The following DHRS9 variants were observed in gnomAD, a reference collection of about 807,000 sequenced individuals.
DHRS9 encodes dehydrogenase/reductase SDR family member 9.
A neutral mutation model predicts 26.6 loss-of-function variants in DHRS9; 18 were observed. The observed-to-expected ratio is 0.68, with a 90% CI of 0.47 to 1.00. The LOEUF (loss-of-function observed/expected upper bound fraction) is 1.00, where lower values mean the gene tolerates loss of function less well. Ranked by LOEUF, DHRS9 falls within the 50% of genes least tolerant of loss-of-function variation. DHRS9 has a pLI of 0.00. For missense variants in DHRS9, 425 were observed against 378.7 expected (o/e 1.12, Z -1.01); for synonymous variants, 134 against 141.1 (o/e 0.95, Z 0.36).
chr2:169,083,429 GT>G lies in DHRS9; in HGVS notation c.417del (p.Phe139LeufsTer6). 6.2e-7 allele frequency: 1 copy of G among 1,614,102 alleles called. No individual in the cohort carries two copies. The highest frequency in any genetic ancestry group is 1.1e-5 in the South Asian group (1 of 91,082). The part of the protein sequence containing the change: ...DYREPIEVNL[F>X]GLISVTLNML... The stretch of plus-strand genomic sequence containing the variant: ...ACAGAGAACCTATTGAAGTGAACCT[GT>G]TTGGACTCATCAGTGTGACACTAAA... On this transcript the variant is annotated frameshift_variant, in exon 3 of 5. Transcript: ENST00000674881. LOFTEE classifies it high-confidence loss of function.
In DHRS9 at chr2:169,095,632, C is replaced by G. The variant is rs1684671798; in HGVS notation, c.825C>G (p.Leu275=). Residue 275 remains leucine, a synonymous_variant, in exon 5 of 5, where the codon CTC becomes CTG. Coordinates refer to ENST00000674881, the MANE Select transcript of DHRS9 (RefSeq NM_001376924.1). ...VECMDHALTS[L]FPKTHYAAGK... ...GCATGGACCACGCTCTAACAAGTCT[C>G]TTCCCTAAGACTCATTATGCCGCTG... The G allele has an allele frequency of 6.2e-7, 1 of 1,613,996 alleles. No homozygotes were observed. Among genetic ancestry groups the G allele is most frequent in the East Asian group, 2.2e-5 (1 of 44,868 alleles).
Position 169,070,867 on chromosome 2 carries a change from A to G in DHRS9, c.-60+1150A>G, listed in dbSNP as rs560635525. On this transcript the variant is annotated intron_variant, in intron 1 of 4. Coordinates refer to ENST00000674881, the MANE Select transcript of DHRS9 (RefSeq NM_001376924.1). ...ATCACAAGGTCAGGAGATCGAGACC[A>G]TCCTGGCTAACACGGTGAAACCTGG... 3.7e-4 allele frequency: 167 copies of G among 451,538 alleles called. 2 individuals are homozygous for G. The highest frequency in any genetic ancestry group is 3.3e-3 in the African/African-American group (155 of 46,916). The allele number at this position is 451,538 out of a possible 1,614,324, so 28.0% of individuals were successfully genotyped here. A position where few individuals can be genotyped will look rare whatever the true frequency, so the allele number is the denominator to read the frequency against.
rs573727127 is a variant in DHRS9, at chr2:169,069,594, G to T, written c.-183G>T. 5 of 985,386 alleles carry T rather than the reference G, an allele frequency of 5.1e-6. No individual in the cohort carries two copies. Among genetic ancestry groups the T allele is most frequent in the Admixed American group, 6.1e-5 (1 of 16,284 alleles). 61.0% of individuals were successfully genotyped at this position (985,386 alleles called of 1,614,324 possible). A position where few individuals can be genotyped will look rare whatever the true frequency, so the allele number is the denominator to read the frequency against. On this transcript the variant is annotated 5_prime_UTR_variant, in exon 1 of 5. Coordinates refer to ENST00000674881, the MANE Select transcript of DHRS9 (RefSeq NM_001376924.1). ...AGCTCTACGGAAACCCAGGCACCTC[G>T]ACCTCAAGAGGATCAGCCTGGCCAG...
intron 3 of DHRS9, among the ~76,000 whole-genome samples, chr2:169,084,745 G>A (rs1684298715): frequency 2.0e-5 from 3 of 152,074 alleles, no homozygotes; most frequent in Admixed American, 2.0e-4. Flanking sequence ...CTTGTCAGAT[G>A]GGTAGCTTTC....
intron 3 of DHRS9, among the ~76,000 whole-genome samples, chr2:169,088,817 A>G (rs1219505485): frequency 6.6e-6 from 1 of 152,204 alleles, no homozygotes; most frequent in African/African-American, 2.4e-5. Context: ...TCATATAGAA[A>G]GGCTAGATCA....
chr2:169,083,558 T>C lies in DHRS9; in HGVS notation c.543T>C (p.Tyr181=), dbSNP rs1488214980. 9.3e-6 allele frequency: 15 copies of C among 1,614,070 alleles called. No homozygotes were observed. Among genetic ancestry groups the C allele is most frequent in the Non-Finnish European group, 1.3e-5 (15 of 1,179,978 alleles). ...GAGGGGGCTATACTCCATCCAAATA[T>C]GCAGTGGAAGGTTTCAATGACAGCT... is the stretch of plus-strand genomic sequence containing the variant. ...IVGGGYTPSK[Y]AVEGFNDSLR... The change falls in exon 3 of 5, where the codon TAT becomes TAC. Residue 181 remains tyrosine (Y), a synonymous_variant. Coordinates refer to ENST00000674881, the MANE Select transcript of DHRS9 (RefSeq NM_001376924.1).
intron 4 of DHRS9, among the ~76,000 whole-genome samples, chr2:169,095,014 CA>C (rs1684649427): frequency 2.0e-5 from 3 of 152,302 alleles, no homozygotes; most frequent in Admixed American, 6.5e-5. Flanking sequence ...TGCACAATTA[CA>C]TCCACACATG....
intron 1 of DHRS9, among the ~76,000 whole-genome samples, chr2:169,073,551 G>C (rs1683873407): frequency 6.6e-6 from 1 of 152,160 alleles, no homozygotes; most frequent in South Asian, 2.1e-4. Flanking sequence ...ACCCCCAGAG[G>C]AGCTGGGGGT....
At chr2:169,080,931 G>A (rs775057441) in intron 1 of DHRS9, 3 of 153,730 alleles carry the variant, frequency 2.0e-5, no homozygotes, top group African/African-American at 7.2e-5. Flanking sequence ...CATCTGCATT[G>A]GGGTGTAATG....
intron 1 of DHRS9, among the ~76,000 whole-genome samples, chr2:169,077,155 A>T (rs12478576): frequency 0.037 from 5,676 of 152,248 alleles, 283 homozygotes; most frequent in East Asian, 0.15. Context: ...ATTTGAAATA[A>T]TAGGGTTGTC....
chr2:169,078,282 C>G (rs1160540950), intron 1 of DHRS9, among the ~76,000 whole-genome samples: 2 of 152,182 alleles, frequency 1.3e-5, no homozygotes, highest in African/African-American at 4.8e-5. Context: ...TTTACTGTGA[C>G]TCCCTCGTGC....
upstream of DHRS9, among the ~76,000 whole-genome samples, chr2:169,068,024 C>T (rs543842318): frequency 2.0e-5 from 3 of 152,272 alleles, no homozygotes; most frequent in Admixed American, 6.5e-5. Flanking sequence ...CTGCACTAGG[C>T]GAGTTCATTA....
intron 1 of DHRS9, among the ~76,000 whole-genome samples, chr2:169,073,886 A>G (rs1031363267): frequency 1.3e-5 from 2 of 152,166 alleles, no homozygotes; most frequent in African/African-American, 4.8e-5. Flanking sequence ...AAGTTCTAGA[A>G]CAGTGGTTCT....
rs534155579 is a variant in DHRS9 at position 169,079,245 on chromosome 2, G to C, written c.-59-2278G>C. ...GCCCGAAATTTTCTTGAGAAGTGAA[G>C]AAGACATTACATTGATTTTTTTTAA... On this transcript the variant is annotated intron_variant, in intron 1 of 4. Coordinates refer to ENST00000674881, the MANE Select transcript of DHRS9 (RefSeq NM_001376924.1). 2.6e-5 allele frequency among the ~76,000 whole-genome samples: 4 copies of C among 152,092 alleles called. No individual in the cohort carries two copies. The South Asian group carries it at 8.3e-4, about 32-fold the overall frequency.
Position 169,083,530 on chromosome 2 carries a change from T to C in DHRS9, c.515T>C (p.Val172Ala), listed in dbSNP as rs372003948. ...AGTGTTGGAGGTCGCCTTGCAATCG[T>C]TGGAGGGGGCTATACTCCATCCAAA... ...VSSVGGRLAI[V>A]GGGYTPSKYA... The change falls in exon 3 of 5, where the codon GTT becomes GCT. Residue 172 changes from valine to alanine, a missense_variant. Val to Ala is a moderately conservative substitution (Grantham distance 64). Coordinates refer to ENST00000674881, the MANE Select transcript of DHRS9 (RefSeq NM_001376924.1). The C allele has an allele frequency of 2.5e-6, 4 of 1,613,954 alleles. No homozygotes were observed. The African/African-American group carries it at 5.3e-5, about 22-fold the overall frequency.
chr2:169,089,084 G>A (rs1684439810), intron 3 of DHRS9, among the ~76,000 whole-genome samples: 1 of 152,158 alleles, frequency 6.6e-6, no homozygotes, highest in African/African-American at 2.4e-5. Context: ...GGAAATGGTG[G>A]CACATTAAAA....
intron 4 of DHRS9, among the ~76,000 whole-genome samples, chr2:169,092,326 C>A (rs2105303782): frequency 6.6e-6 from 1 of 152,308 alleles, no homozygotes; most frequent in Admixed American, 6.5e-5. Context: ...TTCACCTTTG[C>A]CATACCTCCT....
chr2:169,082,013 G>A (rs183026536), intron 2 of DHRS9, 119 bp downstream of exon 2: 49 of 1,016,422 alleles, frequency 4.8e-5, no homozygotes, highest in South Asian at 1.2e-4. Flanking sequence ...CCTAAATACC[G>A]GCTGTGTACT....
rs751555210 is a variant in DHRS9, at chr2:169,095,649, A to G, written c.842A>G (p.Tyr281Cys). ...ACAAGTCTCTTCCCTAAGACTCATT[A>G]TGCCGCTGGAAAAGATGCCAAAATT... is the stretch of plus-strand genomic sequence containing the variant. Reference protein sequence around the residue: ...ALTSLFPKTHYAAGKDAKIFW... With the variant: ...ALTSLFPKTHCAAGKDAKIFW... Residue 281 changes from tyrosine (Y) to cysteine (C), a missense_variant, in exon 5 of 5, where the codon TAT (tyrosine) becomes TGT (cysteine). By Grantham distance (194) the Tyr-to-Cys change is radical. Coordinates refer to ENST00000674881, the MANE Select transcript of DHRS9 (RefSeq NM_001376924.1). 6.2e-7 allele frequency: 1 copy of G among 1,614,016 alleles called. No homozygotes were observed. The highest frequency in any genetic ancestry group is 1.1e-5 in the South Asian group (1 of 91,080).
Sources: allele counts gnomAD v4.1 joint callset (sites outside exome capture counted in the v4.1 genomes callset), GRCh38; gene constraint gnomAD v4.1.1; transcripts MANE v1.5; gene names NCBI Gene and HGNC (gene_info 2026-07-23, HGNC 2026-07-21).